Variants in SLC25A13 observed in about 807,000 individuals in gnomAD.
The protein encoded by SLC25A13 is solute carrier family 25 member 13.
A neutral mutation model predicts 85.5 loss-of-function variants in SLC25A13; 70 were observed. That is an observed-to-expected ratio of 0.82 (90% CI 0.68 to 1.00). SLC25A13 has a LOEUF of 1.00. Among genes scored for constraint, SLC25A13 ranks in the 50% least tolerant of loss-of-function variants. The probability of loss-of-function intolerance (pLI) is 0.00; values close to 1 mark genes in which losing one functional copy is unlikely to be tolerated. For missense variants in SLC25A13, 765 were observed against 819.8 expected (o/e 0.93, Z 0.82); for synonymous variants, 259 against 288.7 (o/e 0.90, Z 1.04).
rs1554390209 is a variant in SLC25A13, at chr7:96,322,053, G to GTGGGGGCGGCGA, written c.-109_-98dup. The GTGGGGGCGGCGA allele has an allele frequency of 2.7e-6, 4 of 1,481,508 alleles. No homozygotes were observed. In the South Asian group the frequency reaches 5.0e-5, roughly 18 times the overall value. The allele number at this position is 1,481,508 out of a possible 1,614,324, so 91.8% of individuals were successfully genotyped here. A position where few individuals can be genotyped will look rare whatever the true frequency, so the allele number is the denominator to read the frequency against. ...ACTTCTAGTCCCGGCGGCGGCGGCG[G>GTGGGGGCGGCGA]TGGGGGCGGCGATACGGCCAGGCAG... On this transcript the variant is annotated 5_prime_UTR_variant, in exon 1 of 18. Coordinates refer to ENST00000265631, the MANE Select transcript of SLC25A13 (RefSeq NM_014251.3).
intron 15 of SLC25A13, among the ~76,000 whole-genome samples, chr7:96,127,925 G>A (rs1338581143): frequency 1.3e-5 from 2 of 152,156 alleles, no homozygotes; most frequent in Non-Finnish European, 2.9e-5. Context: ...ACCACAAAGG[G>A]AATGTGGGGG....
chr7:96,302,903 G>A (rs1186664930), intron 1 of SLC25A13, among the ~76,000 whole-genome samples: 3 of 152,186 alleles, frequency 2.0e-5, no homozygotes, highest in African/African-American at 7.2e-5. Flanking sequence ...CCCTGATGCA[G>A]TTAAAGTTTA....
At chr7:96,259,979 GC>G (rs1797784819) in intron 3 of SLC25A13, among the ~76,000 whole-genome samples, 2 of 149,006 alleles carry the variant, frequency 1.3e-5, no homozygotes, top group African/African-American at 5.0e-5. Context: ...CCGCATGTTC[GC>G]ACTCATAAGT....
intron 2 of SLC25A13, chr7:96,283,666 C>T: frequency 3.4e-6 from 1 of 294,820 alleles, no homozygotes; most frequent in Non-Finnish European, 6.6e-6. Context: ...GCTGAGATAG[C>T]TTCCTGAAAT....
chr7:96,141,019 C>CTTTTTTTTTTTTTTTTT (rs11433644), intron 14 of SLC25A13, among the ~76,000 whole-genome samples: 3 of 124,706 alleles, frequency 2.4e-5, no homozygotes, highest in Non-Finnish European at 1.7e-5. Flanking sequence ...TTTTTTCTTT[C>CTTTTTTTTTTTTTTTTT]TTTTTTTTTT....
chr7:96,218,397 T>G (rs1350553247), intron 4 of SLC25A13, among the ~76,000 whole-genome samples: 1 of 152,192 alleles, frequency 6.6e-6, no homozygotes, highest in Admixed American at 6.5e-5. Context: ...ACACTAGAGA[T>G]ATTTAATTGG....
At chr7:96,132,659 T>C (rs917767310) in intron 14 of SLC25A13, among the ~76,000 whole-genome samples, 1 of 152,188 alleles carries the variant, frequency 6.6e-6, no homozygotes, top group African/African-American at 2.4e-5. Context: ...AACACATATA[T>C]TGTGTTTTGG....
At chr7:96,160,452 A>G (rs1343091888) in intron 13 of SLC25A13, among the ~76,000 whole-genome samples, 1 of 152,228 alleles carries the variant, frequency 6.6e-6, no homozygotes, top group Non-Finnish European at 1.5e-5. Context: ...TATAAACAAC[A>G]TAAATTCATT....
chr7:96,182,430 T>C (rs1318113026), intron 11 of SLC25A13, among the ~76,000 whole-genome samples: 6 of 152,202 alleles, frequency 3.9e-5, no homozygotes, highest in African/African-American at 9.6e-5. Flanking sequence ...GCCCTTAAGG[T>C]TGGGGCACCC....
chr7:96,260,651 T>G (rs1797819892), intron 3 of SLC25A13, among the ~76,000 whole-genome samples: 1 of 152,154 alleles, frequency 6.6e-6, no homozygotes, highest in African/African-American at 2.4e-5. Flanking sequence ...CTTCCAAACC[T>G]ACTCTTCCCC....
chr7:96,169,792 C>T (rs1793923990), intron 13 of SLC25A13: 5 of 513,944 alleles, frequency 9.7e-6, no homozygotes, highest in Admixed American at 6.9e-5. Context: ...CAAATGACTT[C>T]CATTGCAGAA....
chr7:96,150,160 T>C (rs1028185877), intron 13 of SLC25A13, among the ~76,000 whole-genome samples: 2 of 151,706 alleles, frequency 1.3e-5, no homozygotes, highest in African/African-American at 4.8e-5. Flanking sequence ...TCATCTAGTA[T>C]CTGGATCCAT....
intron 14 of SLC25A13, among the ~76,000 whole-genome samples, chr7:96,139,960 T>G (rs1401942988): frequency 1.9e-5 from 1 of 51,470 alleles, no homozygotes; most frequent in Non-Finnish European, 4.1e-5. Flanking sequence ...TTTTTTTTTT[T>G]TTTTTTTTTT....
At chr7:96,162,430 T>TA (rs1448347705) in intron 13 of SLC25A13, among the ~76,000 whole-genome samples, 1 of 152,042 alleles carries the variant, frequency 6.6e-6, no homozygotes, top group African/African-American at 2.4e-5. Flanking sequence ...TGAAGACACT[T>TA]ACAGGTAGTT....
intron 1 of SLC25A13, among the ~76,000 whole-genome samples, chr7:96,315,314 G>C (rs761876247): frequency 2.0e-5 from 3 of 152,180 alleles, no homozygotes; most frequent in Non-Finnish European, 4.4e-5. Flanking sequence ...CAAAATAACA[G>C]TGGTTGTCAA....
intron 3 of SLC25A13, among the ~76,000 whole-genome samples, chr7:96,266,714 A>T (rs1309833100): frequency 6.6e-6 from 1 of 152,186 alleles, no homozygotes; most frequent in Non-Finnish European, 1.5e-5. Context: ...GCTTGTAGAC[A>T]GTGTCTAGCC....
intron 13 of SLC25A13, among the ~76,000 whole-genome samples, chr7:96,168,806 G>C (rs1422664509): frequency 2.0e-5 from 3 of 152,112 alleles, no homozygotes; most frequent in Non-Finnish European, 4.4e-5. Context: ...GCAACAACCT[G>C]AAGGACTAGG....
chr7:96,227,781 A>T (rs1450404826), intron 4 of SLC25A13, among the ~76,000 whole-genome samples: 1 of 152,228 alleles, frequency 6.6e-6, no homozygotes, highest in Non-Finnish European at 1.5e-5. Flanking sequence ...TTCTAGAAAG[A>T]TTAAAATGTA....
rs1036114617 is a variant in SLC25A13, at chr7:96,322,052, G to A, written c.-96C>T. 43 of 1,482,116 alleles carry A rather than the reference G, an allele frequency of 2.9e-5. No individual in the cohort carries two copies. The highest frequency in any genetic ancestry group is 3.7e-5 in the Non-Finnish European group (41 of 1,103,578). The allele number at this position is 1,482,116 out of a possible 1,614,324, so 91.8% of individuals were successfully genotyped here. On this transcript the variant is annotated 5_prime_UTR_variant, in exon 1 of 18. Transcript: ENST00000265631. Reference sequence around the variant, plus strand: ...CACTTCTAGTCCCGGCGGCGGCGGCGGTGGGGGCGGCGATACGGCCAGGCA... The same window carrying A: ...CACTTCTAGTCCCGGCGGCGGCGGCAGTGGGGGCGGCGATACGGCCAGGCA...
Sources: gnomAD v4.1 joint callset for allele counts (sites outside exome capture counted in the v4.1 genomes callset) on GRCh38, gnomAD v4.1.1 for gene constraint, MANE v1.5 for transcripts, NCBI Gene and HGNC (gene_info 2026-07-23, HGNC 2026-07-21) for gene names.